Variants in LRP2 observed in about 807,000 individuals in gnomAD.
The protein encoded by LRP2 is low-density lipoprotein receptor-related protein 2.
LRP2 carries 172 observed loss-of-function variants against 531.0 expected under a neutral mutation model. The observed-to-expected ratio is 0.32, with a 90% CI of 0.29 to 0.37. LRP2 has a LOEUF of 0.37. Ranked by LOEUF, LRP2 falls within the 10% of genes least tolerant of loss-of-function variation. The pLI is 1.00. For missense variants in LRP2, 5,167 were observed against 5,868.3 expected (o/e 0.88, Z 3.90); for synonymous variants, 1,992 against 2,027.6 (o/e 0.98, Z 0.47).
At chr2:169,154,645 C>G in intron 65 of LRP2, 42 bp from the exon 66 acceptor site, 1 of 1,588,994 alleles carries the variant, frequency 6.3e-7, no homozygotes, top group Non-Finnish European at 8.6e-7. Context: ...TTGAATTATA[C>G]TTTCCTATAT....
At chr2:169,156,999 A>G (rs1686355019) in intron 64 of LRP2, among the ~76,000 whole-genome samples, 1 of 152,214 alleles carries the variant, frequency 6.6e-6, no homozygotes, top group Admixed American at 6.5e-5. Context: ...AAGTAGGTGT[A>G]TAATAAATAC....
intron 63 of LRP2, among the ~76,000 whole-genome samples, chr2:169,159,282 T>C (rs752728332): frequency 2.6e-4 from 39 of 152,174 alleles, no homozygotes; most frequent in Non-Finnish European, 4.9e-4. Flanking sequence ...TCAAAATAGA[T>C]TTATATCTAT....
chr2:169,327,014 G>A (rs1307779659), intron 1 of LRP2, among the ~76,000 whole-genome samples: 3 of 148,350 alleles, frequency 2.0e-5, no homozygotes, highest in South Asian at 2.2e-4. Context: ...GAGCCCCTCC[G>A]CCCGGCAGCC....
At chr2:169,132,350 G>A (rs530270987) in intron 77 of LRP2, among the ~76,000 whole-genome samples, 76 of 152,260 alleles carry the variant, frequency 5.0e-4, no homozygotes, top group Non-Finnish European at 8.4e-4. Context: ...GTCCTCCTAT[G>A]TTACAAGGAA....
Position 169,238,073 on chromosome 2 carries a change from C to A in LRP2, c.4506+18G>T, listed in dbSNP as rs1362320299. On this transcript the variant is annotated intron_variant, in intron 27 of 78. Transcript: ENST00000649046. ...CAGAGGAACTAGCCAGGCCAAAGGT[C>A]AACAGAAATGTACTTACCACTCTTC... is the stretch of plus-strand genomic sequence containing the variant. 1.9e-6 allele frequency: 3 copies of A among 1,610,010 alleles called. No homozygotes were observed. In the African/African-American group the frequency reaches 4.0e-5, roughly 22 times the overall value.
intron 38 of LRP2, among the ~76,000 whole-genome samples, chr2:169,207,760 T>G (rs1408279711): frequency 6.6e-6 from 1 of 152,240 alleles, no homozygotes; most frequent in Non-Finnish European, 1.5e-5. Context: ...CTAATGTAGG[T>G]GTTTTCATCC....
At chr2:169,297,902 CA>C (rs1684174304) in intron 4 of LRP2, among the ~76,000 whole-genome samples, 1 of 151,880 alleles carries the variant, frequency 6.6e-6, no homozygotes, top group African/African-American at 2.4e-5. Flanking sequence ...CTGAGGACAA[CA>C]TAGAAAAAAC....
chr2:169,281,122 T>C (rs1405709390), intron 10 of LRP2, among the ~76,000 whole-genome samples: 1 of 152,118 alleles, frequency 6.6e-6, no homozygotes, highest in African/African-American at 2.4e-5. Context: ...TATTATGCCA[T>C]TATAAAAAAA....
chr2:169,284,256 CT>C lies in LRP2; in HGVS notation c.1043-1256del, dbSNP rs1216987363. 2.6e-3 allele frequency among the ~76,000 whole-genome samples: 254 copies of C among 96,592 alleles called. 3 individuals are homozygous for C. The highest frequency in any genetic ancestry group is 7.0e-3 in the African/African-American group (158 of 22,690). The allele number at this position is 96,592 out of a possible 152,430, so 63.4% of individuals were successfully genotyped here. On this transcript the variant is annotated intron_variant, in intron 9 of 78. Coordinates refer to ENST00000649046, the MANE Select transcript of LRP2 (RefSeq NM_004525.3). ...CTTTTCTTTTCTTTTTCTTTTTTTT[CT>C]TTTTTTTTTTTTTTTTTTTTTTTTT...
chr2:169,240,760 A>G, intron 25 of LRP2: 1 of 594,470 alleles, frequency 1.7e-6, no homozygotes, highest in Non-Finnish European at 3.0e-6. Flanking sequence ...AAACAAAGAC[A>G]TAAAAAGAAG....
In LRP2 at chr2:169,238,372, T is replaced by G. The variant is rs543491625; in HGVS notation, c.4295-70A>C. ...AACACAAAACAACTCTTTAAAACTTTTGATTCAATACTTTTGGTAACAGAA... is the reference window on the plus strand; with the variant it reads ...AACACAAAACAACTCTTTAAAACTTGTGATTCAATACTTTTGGTAACAGAA... On this transcript the variant is annotated intron_variant, in intron 26 of 78. Coordinates refer to ENST00000649046, the MANE Select transcript of LRP2 (RefSeq NM_004525.3). 52 of 1,095,926 alleles carry G rather than the reference T, an allele frequency of 4.7e-5. No individual in the cohort carries two copies. The African/African-American group carries it at 6.7e-4, about 14-fold the overall frequency. 67.9% of individuals were successfully genotyped at this position (1,095,926 alleles called of 1,614,324 possible). A position where few individuals can be genotyped will look rare whatever the true frequency, so the allele number is the denominator to read the frequency against.
chr2:169,198,273 G>C (rs1205131316), intron 45 of LRP2, among the ~76,000 whole-genome samples: 1 of 152,080 alleles, frequency 6.6e-6, no homozygotes, highest in African/African-American at 2.4e-5. Context: ...AATTAGCTGG[G>C]CATGGTGTCA....
At position 169,256,524 on chromosome 2, in the gene LRP2, G is replaced by T. The variant is rs830958; in HGVS notation, c.2640-288C>A. On this transcript the variant is annotated intron_variant, in intron 18 of 78. Coordinates refer to ENST00000649046, the MANE Select transcript of LRP2 (RefSeq NM_004525.3). ...TGAAATCAACAAGTTAAGAAAAACA[G>T]TGGTAGTAATCTATGTTTAAAAGGT... 0.92 allele frequency among the ~76,000 whole-genome samples: 140,412 copies of T among 152,178 alleles called. 64,978 individuals carry two copies. The highest frequency in any genetic ancestry group is 1 in the East Asian group (5,165 of 5,170).
intron 9 of LRP2, among the ~76,000 whole-genome samples, chr2:169,287,908 A>G (rs1683902398): frequency 6.6e-6 from 1 of 151,298 alleles, no homozygotes; most frequent in African/African-American, 2.4e-5. Flanking sequence ...CAGAAGAAAT[A>G]CTTTTCTAGA....
intron 76 of LRP2, among the ~76,000 whole-genome samples, chr2:169,136,246 C>T (rs1480564529): frequency 1.3e-5 from 2 of 152,170 alleles, no homozygotes; most frequent in Non-Finnish European, 2.9e-5. Context: ...ACTCTAGGTT[C>T]CCACACCGCC....
chr2:169,278,653 C>T (rs1306306326), intron 12 of LRP2, among the ~76,000 whole-genome samples: 1 of 152,172 alleles, frequency 6.6e-6, no homozygotes, highest in African/African-American at 2.4e-5. Flanking sequence ...ACATTTCCGT[C>T]ATTTTCAAGG....
intron 35 of LRP2, among the ~76,000 whole-genome samples, chr2:169,214,707 C>A (rs1053563164): frequency 1.3e-5 from 2 of 152,136 alleles, no homozygotes; most frequent in Non-Finnish European, 2.9e-5. Context: ...AGCTGAGCAA[C>A]CTCACAGAAG....
chr2:169,291,451 C>T (rs1037229235), intron 7 of LRP2, among the ~76,000 whole-genome samples: 2 of 152,110 alleles, frequency 1.3e-5, no homozygotes, highest in African/African-American at 4.8e-5. Flanking sequence ...TGTAGAAAAA[C>T]CACTTTCTGG....
At chr2:169,294,854 T>C in intron 4 of LRP2, 144 bp from the exon 5 acceptor site, 1 of 637,058 alleles carries the variant, frequency 1.6e-6, no homozygotes, top group Non-Finnish European at 2.8e-6. Context: ...GTATGCTCCC[T>C]GGCTTCATGG....
Sources: allele counts gnomAD v4.1 joint callset (sites outside exome capture counted in the v4.1 genomes callset), GRCh38; gene constraint gnomAD v4.1.1; transcripts MANE v1.5; gene names NCBI Gene and HGNC (gene_info 2026-07-23, HGNC 2026-07-21).